Variants in LZTS1 observed in about 807,000 individuals in gnomAD.
The protein encoded by LZTS1 is leucine zipper tumor suppressor 1.
Under a neutral mutation model 45.8 loss-of-function variants are expected in LZTS1, and 31 were observed. The ratio of observed to expected loss-of-function variants is 0.68; its 90% CI spans 0.51 to 0.91. The LOEUF (loss-of-function observed/expected upper bound fraction) is 0.91. Among genes scored for constraint, LZTS1 ranks in the 40% least tolerant of loss-of-function variants. LZTS1 has a pLI of 0.00. For missense variants in LZTS1, 821 were observed against 788.9 expected, an observed-to-expected ratio of 1.04 and a Z score of -0.49; for synonymous variants, 359 against 357.3, an observed-to-expected ratio of 1.00 and a Z score of -0.05.
At chr8:20,254,782 T>G in intron 2 of LZTS1, 55 bp downstream of exon 2, 6 of 1,425,966 alleles carry the variant, frequency 4.2e-6, no homozygotes, top group Non-Finnish European at 5.7e-6. Flanking sequence ...CCACCCCCAT[T>G]TTGCTTTCTC....
rs186209942 is a variant in LZTS1, at chr8:20,295,935, G to A, written c.-135+7805C>T. On this transcript the variant is annotated intron_variant, in intron 1 of 3. Transcript: ENST00000381569. Reference sequence around the variant, plus strand: ...GGCCTTGTTTCCCTGCCTCCTTCACGCTGTCTTCCCTCCTTCCCTCTCTCC... The same window carrying A: ...GGCCTTGTTTCCCTGCCTCCTTCACACTGTCTTCCCTCCTTCCCTCTCTCC... Among the ~76,000 whole-genome samples, 272 of 152,148 alleles carry A rather than the reference G, an allele frequency of 1.8e-3. 2 individuals carry two copies. The highest frequency in any genetic ancestry group is 5.9e-3 in the African/African-American group (245 of 41,502).
At chr8:20,251,098 AATATATATATATATAT>A (rs527759585) in intron 3 of LZTS1, among the ~76,000 whole-genome samples, 209 of 41,368 alleles carry the variant, frequency 5.1e-3, no homozygotes, top group African/African-American at 0.012. Context: ...CCTGAGGGCT[AATATATATATATATAT>A]ATATATATAT....
At chr8:20,288,010 G>A (rs559055844) in intron 1 of LZTS1, among the ~76,000 whole-genome samples, 33 of 151,872 alleles carry the variant, frequency 2.2e-4, no homozygotes, top group African/African-American at 8.0e-4. Flanking sequence ...CTCCTTTGCT[G>A]GGGATGGGGA....
At chr8:20,259,422 C>T (rs1800178713) in intron 1 of LZTS1, among the ~76,000 whole-genome samples, 1 of 152,180 alleles carries the variant, frequency 6.6e-6, no homozygotes, top group South Asian at 2.1e-4. Flanking sequence ...TGGTTCTCAT[C>T]CATCTCCTCT....
At chr8:20,262,750 G>C (rs115949758) in intron 1 of LZTS1, among the ~76,000 whole-genome samples, 1,619 of 152,234 alleles carry the variant, frequency 0.011, 25 homozygotes, top group African/African-American at 0.037. Flanking sequence ...GAGTAGAGGC[G>C]AGCAATGCTG....
intron 2 of LZTS1, among the ~76,000 whole-genome samples, chr8:20,254,107 T>C (rs1421744750): frequency 2.0e-5 from 3 of 152,216 alleles, no homozygotes; most frequent in Non-Finnish European, 2.9e-5. Context: ...AGCCCCTTAA[T>C]TTGAAAAGCT....
intron 1 of LZTS1, among the ~76,000 whole-genome samples, chr8:20,298,826 T>C (rs1201927730): frequency 6.6e-6 from 1 of 152,160 alleles, no homozygotes; most frequent in Non-Finnish European, 1.5e-5. Context: ...AGCTGAGCCG[T>C]GATCACATCA....
At chr8:20,267,567 G>A (rs1331471413) in intron 1 of LZTS1, among the ~76,000 whole-genome samples, 2 of 152,176 alleles carry the variant, frequency 1.3e-5, no homozygotes, top group African/African-American at 4.8e-5. Flanking sequence ...CCAGGCTGGA[G>A]TGCAGTGATG....
chr8:20,291,605 C>A (rs563843515), intron 1 of LZTS1, among the ~76,000 whole-genome samples: 1 of 142,964 alleles, frequency 7.0e-6, no homozygotes, highest in Admixed American at 7.1e-5. Context: ...GGATCTCTCT[C>A]GCCATTGTTC....
intron 1 of LZTS1, among the ~76,000 whole-genome samples, chr8:20,276,992 A>G (rs1403837426): frequency 6.6e-6 from 1 of 152,244 alleles, no homozygotes; most frequent in African/African-American, 2.4e-5. Flanking sequence ...GGGGCTGGGT[A>G]AAATAAGGCT....
At chr8:20,280,232 T>C (rs1296348331) in intron 1 of LZTS1, among the ~76,000 whole-genome samples, 4 of 152,180 alleles carry the variant, frequency 2.6e-5, no homozygotes, top group African/African-American at 9.6e-5. Context: ...TAGCCCACAA[T>C]AAGGGTGCAC....
At chr8:20,287,098 TATCACAATA>T (rs1285182080) in intron 1 of LZTS1, among the ~76,000 whole-genome samples, 1 of 152,226 alleles carries the variant, frequency 6.6e-6, no homozygotes, top group Non-Finnish European at 1.5e-5. Flanking sequence ...TTTAAAAGAT[TATCACAATA>T]ATCCTACGAG....
At chr8:20,268,360 C>A (rs1157803287) in intron 1 of LZTS1, among the ~76,000 whole-genome samples, 1 of 151,850 alleles carries the variant, frequency 6.6e-6, no homozygotes, top group Non-Finnish European at 1.5e-5. Flanking sequence ...GAATGGGGCA[C>A]GTGCCCAGGG....
intron 2 of LZTS1, among the ~76,000 whole-genome samples, chr8:20,254,542 A>T (rs937163918): frequency 6.6e-6 from 1 of 152,178 alleles, no homozygotes; most frequent in Admixed American, 6.5e-5. Flanking sequence ...CTACGTTGAC[A>T]ATCCAGCTAC....
At chr8:20,270,440 A>C (rs764462601) in intron 1 of LZTS1, among the ~76,000 whole-genome samples, 2 of 152,246 alleles carry the variant, frequency 1.3e-5, no homozygotes, top group African/African-American at 2.4e-5. Flanking sequence ...ACAGCAGCTG[A>C]GGGCAGGTGA....
At chr8:20,293,549 G>A (rs955292899) in intron 1 of LZTS1, among the ~76,000 whole-genome samples, 26 of 152,202 alleles carry the variant, frequency 1.7e-4, no homozygotes, top group African/African-American at 5.3e-4. Context: ...GACTCGTTGT[G>A]GCAGGGTCTG....
At chr8:20,256,211 A>T (rs900297933) in intron 1 of LZTS1, among the ~76,000 whole-genome samples, 1 of 152,180 alleles carries the variant, frequency 6.6e-6, no homozygotes, top group Non-Finnish European at 1.5e-5. Flanking sequence ...TGTGAGACCC[A>T]CATGGGAAGC....
chr8:20,297,316 TAAAG>T (rs971138674), intron 1 of LZTS1, among the ~76,000 whole-genome samples: 18 of 152,256 alleles, frequency 1.2e-4, no homozygotes, highest in Non-Finnish European at 2.5e-4. Context: ...TGACAAGCTA[TAAAG>T]AAAGAACTGA....
At chr8:20,291,828 A>G (rs1025708300) in intron 1 of LZTS1, among the ~76,000 whole-genome samples, 2 of 130,898 alleles carry the variant, frequency 1.5e-5, no homozygotes, top group African/African-American at 5.2e-5. Flanking sequence ...GATCTATCTG[A>G]TTTCCAAAAT....
Sources: allele counts gnomAD v4.1 joint callset (sites outside exome capture counted in the v4.1 genomes callset), GRCh38; gene constraint gnomAD v4.1.1; transcripts MANE v1.5; gene names NCBI Gene and HGNC (gene_info 2026-07-23, HGNC 2026-07-21).